The following SNX29 variants were observed in gnomAD, a reference collection of about 807,000 sequenced individuals.
The protein encoded by SNX29 is sorting nexin-29.
Under a neutral mutation model 102.1 loss-of-function variants are expected in SNX29, and 78 were observed. The ratio of observed to expected loss-of-function variants is 0.76; its 90% CI spans 0.64 to 0.92. SNX29 has a LOEUF of 0.92. Ranked by LOEUF, SNX29 falls within the 40% of genes least tolerant of loss-of-function variation. The pLI is 0.00. For synonymous variants in SNX29, 580 were observed against 414.5 expected, an observed-to-expected ratio of 1.40 and a Z score of -4.85; for missense variants, 1,280 against 1,061.7, an observed-to-expected ratio of 1.21 and a Z score of -2.86.
intron 13 of SNX29, among the ~76,000 whole-genome samples, chr16:12,193,351 T>A (rs1400779442): frequency 6.6e-6 from 1 of 151,348 alleles, no homozygotes; most frequent in Non-Finnish European, 1.5e-5. Context: ...GTGCCGGTAA[T>A]CCCAGCTACT....
chr16:12,274,667 C>T (rs1247823439), intron 14 of SNX29, among the ~76,000 whole-genome samples: 1 of 151,846 alleles, frequency 6.6e-6, no homozygotes, highest in African/African-American at 2.4e-5. Context: ...CTCCCGAGTA[C>T]CTGGGACTAC....
chr16:12,014,341 A>G (rs909070966), intron 3 of SNX29, among the ~76,000 whole-genome samples: 1 of 151,980 alleles, frequency 6.6e-6, no homozygotes, highest in Non-Finnish European at 1.5e-5. Context: ...GTCATTCCTC[A>G]TCCGCCAAGA....
intron 11 of SNX29, among the ~76,000 whole-genome samples, chr16:12,107,212 G>T (rs2053291190): frequency 6.6e-6 from 1 of 152,176 alleles, no homozygotes; most frequent in South Asian, 2.1e-4. Context: ...TCTTTATTCT[G>T]AGTGGTCACC....
chr16:12,482,893 G>C (rs1046468627), intron 19 of SNX29, among the ~76,000 whole-genome samples: 8 of 152,078 alleles, frequency 5.3e-5, no homozygotes, highest in African/African-American at 1.9e-4. Flanking sequence ...CCCAGCATTT[G>C]TCTTTACCAA....
chr16:12,350,507 C>T (rs551099173), intron 15 of SNX29, among the ~76,000 whole-genome samples: 4 of 152,204 alleles, frequency 2.6e-5, no homozygotes, highest in African/African-American at 7.2e-5. Flanking sequence ...CCACCCATAC[C>T]GAGGGATGAC....
intron 13 of SNX29, among the ~76,000 whole-genome samples, chr16:12,199,370 G>C (rs1433190704): frequency 6.6e-6 from 1 of 152,086 alleles, no homozygotes; most frequent in African/African-American, 2.4e-5. Flanking sequence ...GGAACCGATT[G>C]GTGCTTATCT....
intron 4 of SNX29, among the ~76,000 whole-genome samples, chr16:12,033,597 C>A (rs2057399406): frequency 6.6e-6 from 1 of 151,644 alleles, no homozygotes; most frequent in Non-Finnish European, 1.5e-5. Context: ...TGGAACTACC[C>A]GTTTTCTTTT....
chr16:12,381,928 C>T (rs2083179870), intron 16 of SNX29, among the ~76,000 whole-genome samples: 1 of 151,058 alleles, frequency 6.6e-6, no homozygotes, highest in Admixed American at 6.6e-5. Context: ...CCCACCCACA[C>T]ATCCGGCATT....
intron 19 of SNX29, among the ~76,000 whole-genome samples, chr16:12,523,679 C>G (rs1484476226): frequency 6.6e-6 from 1 of 152,178 alleles, no homozygotes; most frequent in African/African-American, 2.4e-5. Flanking sequence ...ACCAAGCAAG[C>G]TGGCCCTGCC....
At chr16:12,146,052 A>G (rs2055054056) in intron 13 of SNX29, among the ~76,000 whole-genome samples, 1 of 152,246 alleles carries the variant, frequency 6.6e-6, no homozygotes, top group Admixed American at 6.5e-5. Context: ...GCGGTGAGTG[A>G]GAGAGCCTGA....
rs200511408 is a variant in SNX29 at position 12,568,528 on chromosome 16, C to G, written c.2341C>G (p.Pro781Ala). Reference protein sequence around the residue: ...FFVDITPPGEPVNSRPKAASR... With the variant: ...FFVDITPPGEAVNSRPKAASR... ...CAGCGACATCACCCCGCCCGGAGAG[C>G]CTGTGAACAGCCGGCCCAAAGCAGC... The change falls in exon 21 of 21, where the codon CCT becomes GCT. Residue 781 changes from proline (P) to alanine (A), a missense_variant. Coordinates refer to ENST00000566228, the MANE Select transcript of SNX29 (RefSeq NM_032167.5). The G allele has an allele frequency of 3.7e-6, 6 of 1,609,888 alleles. No homozygotes were observed. In the African/African-American group the frequency reaches 5.3e-5, roughly 14 times the overall value.
chr16:12,563,049 C>T (rs1217255700), intron 20 of SNX29, among the ~76,000 whole-genome samples: 1 of 152,088 alleles, frequency 6.6e-6, no homozygotes, highest in Admixed American at 6.6e-5. Context: ...CCAAGGTCAC[C>T]TCGAAATGTA....
intron 18 of SNX29, among the ~76,000 whole-genome samples, chr16:12,453,439 C>T (rs1380143541): frequency 6.6e-6 from 1 of 152,140 alleles, no homozygotes; most frequent in Admixed American, 6.5e-5. Flanking sequence ...TCCTCTTAAA[C>T]AAAATGCAGA....
chr16:12,483,113 A>AGTTTT (rs2088028458), intron 19 of SNX29, among the ~76,000 whole-genome samples: 1 of 60,464 alleles, frequency 1.7e-5, no homozygotes, highest in African/African-American at 7.2e-5. Context: ...GAAGTTATTA[A>AGTTTT]GTTTTTTTTT....
intron 20 of SNX29, among the ~76,000 whole-genome samples, chr16:12,565,824 C>A (rs920782392): frequency 1.3e-5 from 2 of 152,178 alleles, no homozygotes; most frequent in African/African-American, 4.8e-5. Context: ...CACTTCTGGT[C>A]ACCCTCCACA....
chr16:12,163,317 GGTTTGGC>G (rs772588376), intron 13 of SNX29, among the ~76,000 whole-genome samples: 7 of 152,166 alleles, frequency 4.6e-5, no homozygotes, highest in Non-Finnish European at 1.0e-4. Context: ...GCTGATTAGG[GGTTTGGC>G]AGGTGGGTGA....
intron 5 of SNX29, among the ~76,000 whole-genome samples, chr16:12,045,324 C>T (rs931714150): frequency 5.9e-5 from 9 of 152,044 alleles, no homozygotes; most frequent in African/African-American, 2.2e-4. Flanking sequence ...TGACTTTTTC[C>T]TTGATTAATT....
chr16:12,325,899 T>C (rs538705322), intron 15 of SNX29, among the ~76,000 whole-genome samples: 97 of 152,150 alleles, frequency 6.4e-4, no homozygotes, highest in African/African-American at 2.2e-3. Context: ...TGTGGGGGCA[T>C]GTACCCGTAG....
intron 18 of SNX29, among the ~76,000 whole-genome samples, chr16:12,431,189 G>T (rs2085298542): frequency 6.6e-6 from 1 of 152,106 alleles, no homozygotes; most frequent in South Asian, 2.1e-4. Context: ...AGTGAGTGGG[G>T]TGGGGGCCCT....
Sources: allele counts gnomAD v4.1 joint callset (sites outside exome capture counted in the v4.1 genomes callset), GRCh38; gene constraint gnomAD v4.1.1; transcripts MANE v1.5; gene names NCBI Gene and HGNC (gene_info 2026-07-23, HGNC 2026-07-21).